Variants in TPP2 observed in about 807,000 individuals in gnomAD.
TPP2 encodes tripeptidyl-peptidase 2.
TPP2 carries 34 observed loss-of-function variants against 155.9 expected under a neutral mutation model. That is an observed-to-expected ratio of 0.22 (90% CI 0.17 to 0.29). The LOEUF (loss-of-function observed/expected upper bound fraction) is 0.29. Among genes scored for constraint, TPP2 ranks in the 10% least tolerant of loss-of-function variants. The pLI is 1.00. For missense variants in TPP2, 1,028 were observed against 1,522.3 expected, an observed-to-expected ratio of 0.68 and a Z score of 5.40; for synonymous variants, 510 against 529.4, an observed-to-expected ratio of 0.96 and a Z score of 0.50.
At chr13:102,630,783 C>T (rs766262300) in intron 10 of TPP2, among the ~76,000 whole-genome samples, 3 of 152,122 alleles carry the variant, frequency 2.0e-5, no homozygotes, top group Non-Finnish European at 4.4e-5. Flanking sequence ...TGTAATTCTT[C>T]GTTATATCAT....
At chr13:102,638,638 A>G (rs1882549852) in intron 15 of TPP2, among the ~76,000 whole-genome samples, 1 of 152,160 alleles carries the variant, frequency 6.6e-6, no homozygotes, top group South Asian at 2.1e-4. Flanking sequence ...AGTATTTGAC[A>G]ATATTACTTC....
At chr13:102,602,608 C>G (rs142428570) in intron 1 of TPP2, among the ~76,000 whole-genome samples, 1 of 151,938 alleles carries the variant, frequency 6.6e-6, no homozygotes, top group African/African-American at 2.4e-5. Context: ...TTGCTTTGTC[C>G]GGTAAAGGAA....
intron 2 of TPP2, among the ~76,000 whole-genome samples, chr13:102,609,392 C>CTTTTTTT (rs34845674): frequency 2.4e-4 from 19 of 79,830 alleles, no homozygotes; most frequent in Non-Finnish European, 3.1e-4. Context: ...AAGTGCCATG[C>CTTTTTTT]TTTTTTTTTT....
At chr13:102,606,805 C>CA (rs1271269757) in intron 2 of TPP2, among the ~76,000 whole-genome samples, 1 of 152,186 alleles carries the variant, frequency 6.6e-6, no homozygotes, top group Non-Finnish European at 1.5e-5. Flanking sequence ...GGGCAGATAG[C>CA]AGCCATTAAT....
At chr13:102,629,664 A>G (rs1349614729) in intron 9 of TPP2, 55 bp downstream of exon 9, 11 of 1,531,094 alleles carry the variant, frequency 7.2e-6, no homozygotes, top group Non-Finnish European at 9.6e-6. Context: ...ACAAAAAACA[A>G]TAGTTAATGA....
intron 24 of TPP2, 137 bp from the exon 25 acceptor site, chr13:102,656,919 G>A (rs1201156930): frequency 5.9e-6 from 5 of 850,060 alleles, no homozygotes; most frequent in Non-Finnish European, 8.5e-6. Context: ...TTGGTGTATT[G>A]TGACCCTTAG....
intron 15 of TPP2, 150 bp downstream of exon 15, chr13:102,638,465 C>T: frequency 2.5e-6 from 2 of 812,030 alleles, no homozygotes; most frequent in Non-Finnish European, 4.0e-6. Context: ...TTTTAGGTGT[C>T]ATGTAGTCAG....
chr13:102,658,150 A>G (rs564649855), intron 25 of TPP2, among the ~76,000 whole-genome samples: 3 of 152,270 alleles, frequency 2.0e-5, no homozygotes, highest in South Asian at 2.1e-4. Flanking sequence ...AATTTATTCT[A>G]TGTAGTCAAG....
Position 102,653,311 on chromosome 13 carries a change from C to G in TPP2, c.2991+1914C>G, listed in dbSNP as rs140432270. ...TATATAATTCTTAATAGATTTTTTC[C>G]TCTGGGTTTCAGTGACTTGATTTGA... On this transcript the variant is annotated intron_variant, in intron 24 of 29. Transcript: ENST00000376052. Among the ~76,000 whole-genome samples the G allele has an allele frequency of 4.9e-3, 751 of 152,168 alleles. 7 individuals carry two copies. Among genetic ancestry groups the G allele is most frequent in the African/African-American group, 0.017 (714 of 41,516 alleles).
intron 29 of TPP2, 118 bp downstream of exon 29, chr13:102,676,533 T>TA: frequency 5.7e-6 from 7 of 1,221,110 alleles, no homozygotes; most frequent in Non-Finnish European, 6.9e-6. Context: ...GACCAGTTAT[T>TA]ACAGTAATTA....
chr13:102,618,838 A>C lies in TPP2; in HGVS notation c.612A>C (p.Glu204Asp), dbSNP rs2139451758. 6.2e-7 allele frequency: 1 copy of C among 1,604,544 alleles called. No individual in the cohort carries two copies. ...VYDCLVWHDGEVWRACIDSNE... is the reference protein window; with the variant it reads ...VYDCLVWHDGDVWRACIDSNE... ...ACTGCTTGGTATGGCATGATGGCGA[A>C]GTCTGGAGGTAAACTTCGTGTATTT... Residue 204 changes from glutamate to aspartate, a missense_variant, in exon 5 of 30, where the codon GAA (glutamate) becomes GAC (aspartate). Physicochemically the swap from Glu to Asp is conservative, Grantham distance 45. Coordinates refer to ENST00000376052, the MANE Select transcript of TPP2 (RefSeq NM_001330588.2).
chr13:102,617,046 T>C (rs1041582220), intron 4 of TPP2, among the ~76,000 whole-genome samples: 5 of 151,794 alleles, frequency 3.3e-5, no homozygotes, highest in African/African-American at 1.2e-4. Flanking sequence ...GTAGCTGGGA[T>C]TACAGGCACG....
chr13:102,623,758 A>C (rs1881342808), intron 6 of TPP2, among the ~76,000 whole-genome samples: 1 of 152,180 alleles, frequency 6.6e-6, no homozygotes, highest in Non-Finnish European at 1.5e-5. Context: ...ACTGTGTGTT[A>C]TTCTTACTGT....
intron 29 of TPP2, among the ~76,000 whole-genome samples, chr13:102,678,018 A>C (rs543509754): frequency 5.1e-4 from 78 of 152,304 alleles, no homozygotes; most frequent in African/African-American, 1.8e-3. Context: ...AATGATGAGA[A>C]CAATAGGTTG....
chr13:102,658,680 A>C (rs1884009538), intron 25 of TPP2, among the ~76,000 whole-genome samples: 1 of 152,248 alleles, frequency 6.6e-6, no homozygotes, highest in African/African-American at 2.4e-5. Context: ...ATTTGAACCA[A>C]GACCACTGCC....
intron 17 of TPP2, among the ~76,000 whole-genome samples, chr13:102,643,990 T>A (rs1257563649): frequency 6.6e-6 from 1 of 152,248 alleles, no homozygotes; most frequent in Admixed American, 6.5e-5. Context: ...TCAGTGTTGC[T>A]TCATCTTTTT....
At chr13:102,678,098 G>A (rs540991491) in intron 29 of TPP2, 129 bp from the exon 30 acceptor site, 97 of 883,314 alleles carry the variant, frequency 1.1e-4, no homozygotes, top group Middle Eastern at 3.7e-4. Context: ...GGTGGGTGAC[G>A]GTTGGTGGAA....
chr13:102,654,199 G>A (rs990556065), intron 24 of TPP2, among the ~76,000 whole-genome samples: 3 of 151,928 alleles, frequency 2.0e-5, no homozygotes, highest in Admixed American at 6.6e-5. Context: ...TGAAAATAGC[G>A]CCATTTTTCT....
rs372922261 is a variant in TPP2, at chr13:102,597,028, A to G, written c.-11A>G. 7.8e-5 allele frequency: 125 copies of G among 1,609,994 alleles called. No homozygotes were observed. Among genetic ancestry groups the G allele is most frequent in the Non-Finnish European group, 9.7e-5 (114 of 1,178,608 alleles). ...GCAGTTTGCCGCTTCCTCGTCCTCC[A>G]TCCTGCGTCCATGGCCACCGCTGCG... On this transcript the variant is annotated 5_prime_UTR_variant, in exon 1 of 30. Coordinates refer to ENST00000376052, the MANE Select transcript of TPP2 (RefSeq NM_001330588.2).
Sources: allele counts gnomAD v4.1 joint callset (sites outside exome capture counted in the v4.1 genomes callset), GRCh38; gene constraint gnomAD v4.1.1; transcripts MANE v1.5; gene names NCBI Gene and HGNC (gene_info 2026-07-23, HGNC 2026-07-21).